The following PALM2AKAP2 variants were observed in gnomAD, a reference collection of about 807,000 sequenced individuals.
PALM2AKAP2 encodes the protein PALM2 and AKAP2 fusion.
In PALM2AKAP2, 37 loss-of-function variants were observed where a neutral mutation model predicts 71.5. The ratio of observed to expected loss-of-function variants is 0.52; its 90% CI spans 0.40 to 0.68. The LOEUF (loss-of-function observed/expected upper bound fraction) is 0.68. PALM2AKAP2 is among the 30% of genes least tolerant of loss of function. PALM2AKAP2 has a pLI of 0.00. For missense variants in PALM2AKAP2, 1,224 were observed against 1,191.8 expected (o/e 1.03, Z -0.40); for synonymous variants, 468 against 478.8 (o/e 0.98, Z 0.29).
chr9:109,727,235 A>G (rs75733462), intron 1 of PALM2AKAP2, among the ~76,000 whole-genome samples: 6,500 of 152,136 alleles, frequency 0.043, 192 homozygotes, highest in Non-Finnish European at 0.053. Flanking sequence ...CATATGCTTT[A>G]AGTCTTCTTG....
chr9:110,062,349 T>C (rs1833983145), intron 1 of PALM2AKAP2, among the ~76,000 whole-genome samples: 1 of 152,084 alleles, frequency 6.6e-6, no homozygotes, highest in African/African-American at 2.4e-5. Context: ...TGGTGTTTGG[T>C]TTTCTGTTGC....
At chr9:109,985,578 C>T (rs1017841707) in intron 6 of PALM2AKAP2, among the ~76,000 whole-genome samples, 1 of 150,366 alleles carries the variant, frequency 6.7e-6, no homozygotes, top group Non-Finnish European at 1.5e-5. Context: ...CGAGATGGCA[C>T]CACTGCACTC....
At chr9:109,945,218 A>G (rs1395877741) in intron 6 of PALM2AKAP2, 1 of 152,166 alleles carries the variant, frequency 6.6e-6, no homozygotes, top group African/African-American at 2.4e-5. Context: ...TTTAATGAGC[A>G]CAAAATGGGT....
At chr9:109,814,401 C>T (rs1213751740) in intron 1 of PALM2AKAP2, among the ~76,000 whole-genome samples, 4 of 152,148 alleles carry the variant, frequency 2.6e-5, no homozygotes, top group Admixed American at 6.5e-5. Flanking sequence ...TGAGCCTGAA[C>T]GATTGTGGCA....
At chr9:109,939,012 G>C (rs996358640) in intron 6 of PALM2AKAP2, among the ~76,000 whole-genome samples, 1 of 152,002 alleles carries the variant, frequency 6.6e-6, no homozygotes, top group African/African-American at 2.4e-5. Flanking sequence ...CTGGGTGACA[G>C]AGTAAGACTC....
chr9:109,780,468 G>A, exon 1 of PALM2AKAP2: 1 of 1,613,222 alleles, frequency 6.2e-7, no homozygotes, highest in East Asian at 2.2e-5. Context: ...TCTTTCCCCT[G>A]CCTGTGTGCC....
chr9:109,705,328 G>A (rs532575287), intron 1 of PALM2AKAP2, among the ~76,000 whole-genome samples: 34 of 152,268 alleles, frequency 2.2e-4, no homozygotes, highest in South Asian at 1.0e-3. Context: ...CAGGCTCCTT[G>A]TTGTTGTCAT....
intron 2 of PALM2AKAP2, among the ~76,000 whole-genome samples, chr9:110,153,218 A>G (rs1407678168): frequency 1.3e-5 from 2 of 152,176 alleles, no homozygotes; most frequent in African/African-American, 4.8e-5. Context: ...CACCCTCTTT[A>G]CAACATTCTT....
At chr9:109,835,447 C>T (rs906066405) in intron 1 of PALM2AKAP2, among the ~76,000 whole-genome samples, 5 of 152,002 alleles carry the variant, frequency 3.3e-5, no homozygotes, top group South Asian at 4.2e-4. Context: ...CAGCTCCCAG[C>T]GTGAGCAACA....
chr9:109,647,293 A>G (rs1240984268), intron 1 of PALM2AKAP2, among the ~76,000 whole-genome samples: 1 of 152,156 alleles, frequency 6.6e-6, no homozygotes, highest in Non-Finnish European at 1.5e-5. Context: ...ATATATACAC[A>G]TCTACTTCAT....
intron 5 of PALM2AKAP2, among the ~76,000 whole-genome samples, chr9:109,928,847 A>C (rs1831018435): frequency 6.6e-6 from 1 of 151,996 alleles, no homozygotes; most frequent in Non-Finnish European, 1.5e-5. Context: ...TTTGCATTTT[A>C]GTAGAGACAG....
chr9:110,004,280 C>T (rs1832736593), intron 6 of PALM2AKAP2, among the ~76,000 whole-genome samples: 1 of 152,132 alleles, frequency 6.6e-6, no homozygotes, highest in Non-Finnish European at 1.5e-5. Context: ...ATTTCTCCTT[C>T]ACTTATGAAG....
At chr9:110,084,683 A>G (rs370459052) in intron 1 of PALM2AKAP2, among the ~76,000 whole-genome samples, 3 of 152,204 alleles carry the variant, frequency 2.0e-5, no homozygotes, top group African/African-American at 7.2e-5. Context: ...TCATGATAAA[A>G]AAAAGTCTGT....
chr9:110,118,755 T>A (rs1835420784), intron 1 of PALM2AKAP2, among the ~76,000 whole-genome samples: 1 of 152,236 alleles, frequency 6.6e-6, no homozygotes, highest in Non-Finnish European at 1.5e-5. Context: ...CTACACCTGA[T>A]GTCCAGTGAC....
chr9:109,858,712 T>C (rs1407756195), intron 1 of PALM2AKAP2, among the ~76,000 whole-genome samples: 1 of 152,166 alleles, frequency 6.6e-6, no homozygotes, highest in East Asian at 1.9e-4. Context: ...TCTGCCTACC[T>C]GTACAGAAAG....
intron 1 of PALM2AKAP2, among the ~76,000 whole-genome samples, chr9:109,659,150 G>A (rs1392266083): frequency 2.7e-5 from 4 of 150,032 alleles, no homozygotes; most frequent in Non-Finnish European, 5.9e-5. Context: ...GGATTTTTTT[G>A]TGTGTGAAGG....
intron 3 of PALM2AKAP2, among the ~76,000 whole-genome samples, chr9:110,157,979 C>T (rs559083085): frequency 5.3e-5 from 8 of 152,332 alleles, no homozygotes; most frequent in South Asian, 2.1e-4. Flanking sequence ...ACCTGAACTG[C>T]GTGGAGCACT....
chr9:110,061,344 T>C (rs1184291727), intron 1 of PALM2AKAP2, among the ~76,000 whole-genome samples: 1 of 152,162 alleles, frequency 6.6e-6, no homozygotes, highest in Non-Finnish European at 1.5e-5. Context: ...ACCTTGAACC[T>C]TTAACATGGG....
chr9:109,932,148 C>G, intron 6 of PALM2AKAP2, 120 bp downstream of exon 6: 2 of 1,097,046 alleles, frequency 1.8e-6, no homozygotes, highest in Non-Finnish European at 2.5e-6. Flanking sequence ...TTCAGCCCAG[C>G]CTCAGATGCA....
Sources: allele counts gnomAD v4.1 joint callset (sites outside exome capture counted in the v4.1 genomes callset), GRCh38; gene constraint gnomAD v4.1.1; transcripts MANE v1.5; gene names NCBI Gene and HGNC (gene_info 2026-07-23, HGNC 2026-07-21).